Variants in LUZP2 observed in about 807,000 individuals in gnomAD.
The protein encoded by LUZP2 is leucine zipper protein 2.
Under a neutral mutation model 51.6 loss-of-function variants are expected in LUZP2, and 52 were observed. The ratio of observed to expected loss-of-function variants is 1.01; its 90% CI spans 0.81 to 1.27. The LOEUF (loss-of-function observed/expected upper bound fraction) is 1.27. Ranked by LOEUF, LUZP2 falls within the 50% of genes most tolerant of loss-of-function variation. The pLI is 0.00. For synonymous variants in LUZP2, 154 were observed against 137.3 expected (o/e 1.12, Z -0.85); for missense variants, 436 against 395.4 (o/e 1.10, Z -0.87).
chr11:24,677,974 T>G (rs1467685064), intron 1 of LUZP2, among the ~76,000 whole-genome samples: 2 of 147,980 alleles, frequency 1.4e-5, no homozygotes, highest in East Asian at 4.1e-4. Context: ...GAGGTGGAGC[T>G]TGCAGTGAGC....
At chr11:24,520,628 G>A (rs1850611651) in intron 1 of LUZP2, among the ~76,000 whole-genome samples, 1 of 152,206 alleles carries the variant, frequency 6.6e-6, no homozygotes, top group Admixed American at 6.5e-5. Flanking sequence ...TATCCTTTTT[G>A]GGGGCAGGAG....
At chr11:25,062,879 TTTAG>T (rs1357858886) in intron 10 of LUZP2, among the ~76,000 whole-genome samples, 1 of 151,660 alleles carries the variant, frequency 6.6e-6, no homozygotes, top group Non-Finnish European at 1.5e-5. Flanking sequence ...TTTATCATTA[TTTAG>T]TTAATCCGCA....
intron 1 of LUZP2, among the ~76,000 whole-genome samples, chr11:24,604,237 T>C (rs2036753): frequency 0.92 from 139,221 of 151,786 alleles, 64,302 homozygotes; most frequent in Non-Finnish European, 0.97. Context: ...ATTTGATTCA[T>C]ATTTTTATCC....
intron 1 of LUZP2, among the ~76,000 whole-genome samples, chr11:24,680,871 T>TA (rs1490986548): frequency 6.6e-6 from 1 of 152,186 alleles, no homozygotes; most frequent in East Asian, 1.9e-4. Flanking sequence ...TTTCCACTTG[T>TA]AAAAATGCTT....
intron 7 of LUZP2, among the ~76,000 whole-genome samples, chr11:24,954,120 C>A (rs1855153299): frequency 6.6e-6 from 1 of 151,916 alleles, no homozygotes; most frequent in Non-Finnish European, 1.5e-5. Context: ...CCATAACACT[C>A]TGATAACCTT....
chr11:24,626,186 C>T (rs1854675202), intron 1 of LUZP2, among the ~76,000 whole-genome samples: 1 of 152,076 alleles, frequency 6.6e-6, no homozygotes. Flanking sequence ...GCCATCTCAA[C>T]TGTCTTCTTC....
chr11:24,696,622 T>C (rs1306127535), intron 1 of LUZP2, among the ~76,000 whole-genome samples: 1 of 152,002 alleles, frequency 6.6e-6, no homozygotes, highest in African/African-American at 2.4e-5. Context: ...TTGACTCTGG[T>C]AGGGGATTGG....
At chr11:24,751,954 AT>A (rs1368071182) in intron 4 of LUZP2, among the ~76,000 whole-genome samples, 1 of 152,154 alleles carries the variant, frequency 6.6e-6, no homozygotes, top group East Asian at 1.9e-4. Flanking sequence ...ACTGTAGACA[AT>A]AGCCAGTAGT....
At chr11:24,593,685 A>G (rs1307748142) in intron 1 of LUZP2, among the ~76,000 whole-genome samples, 1 of 152,198 alleles carries the variant, frequency 6.6e-6, no homozygotes, top group African/African-American at 2.4e-5. Flanking sequence ...AGTTCCTTAG[A>G]ACAGTACCCG....
chr11:24,780,989 A>G (rs1010455880), intron 5 of LUZP2, among the ~76,000 whole-genome samples: 5 of 152,108 alleles, frequency 3.3e-5, no homozygotes, highest in Non-Finnish European at 7.4e-5. Context: ...TAAAAGTCAT[A>G]TAGTCAATCA....
chr11:24,851,146 T>C (rs1473869512), intron 5 of LUZP2, among the ~76,000 whole-genome samples: 2 of 152,192 alleles, frequency 1.3e-5, no homozygotes, highest in African/African-American at 4.8e-5. Flanking sequence ...CTTCCAATAT[T>C]CTGTTGAATA....
intron 3 of LUZP2, among the ~76,000 whole-genome samples, chr11:24,737,813 G>T (rs140599350): frequency 1.3e-5 from 2 of 152,202 alleles, no homozygotes; most frequent in African/African-American, 4.8e-5. Context: ...AGCATCAGAA[G>T]GGAACAGTAA....
In LUZP2 at chr11:24,774,358, C is replaced by CTATATATA. The variant is rs1431208612; in HGVS notation, c.396+11051_396+11052insATATATAT. ...TCTCTCTCTCTCTCTCTCTCTCTCT[C>CTATATATA]TCTCTATATATATATATATATATAC... is the stretch of plus-strand genomic sequence containing the variant. On this transcript the variant is annotated intron_variant, in intron 5 of 11. Transcript: ENST00000336930. 3.7e-5 allele frequency among the ~76,000 whole-genome samples: 3 copies of CTATATATA among 80,592 alleles called. 1 individual carries two copies. Among genetic ancestry groups the CTATATATA allele is most frequent in the African/African-American group, 1.6e-4 (3 of 18,870 alleles). 52.9% of individuals were successfully genotyped at this position (80,592 alleles called of 152,430 possible). A position where few individuals can be genotyped will look rare whatever the true frequency, so the allele number is the denominator to read the frequency against.
chr11:24,674,547 TC>T (rs1332076181), intron 1 of LUZP2, among the ~76,000 whole-genome samples: 1 of 152,168 alleles, frequency 6.6e-6, no homozygotes, highest in Non-Finnish European at 1.5e-5. Context: ...ATCTTTGTTT[TC>T]CCACTAATTT....
At chr11:24,675,789 A>ATATT (rs61265735) in intron 1 of LUZP2, among the ~76,000 whole-genome samples, 2,533 of 136,750 alleles carry the variant, frequency 0.019, 48 homozygotes, top group African/African-American at 0.048. Context: ...TCTTTTTTTT[A>ATATT]TATTTATTTA....
intron 5 of LUZP2, among the ~76,000 whole-genome samples, chr11:24,803,981 G>A (rs1849774793): frequency 8.0e-6 from 1 of 125,542 alleles, no homozygotes; most frequent in African/African-American, 3.2e-5. Flanking sequence ...GTACAAACAA[G>A]CAAGTGCCAT....
intron 10 of LUZP2, among the ~76,000 whole-genome samples, chr11:25,051,906 A>G: frequency 6.6e-6 from 1 of 152,116 alleles, no homozygotes; most frequent in East Asian, 1.9e-4. Context: ...TCAAATCATA[A>G]ATTGATTTGT....
At chr11:24,944,401 AT>A (rs1320918130) in intron 7 of LUZP2, among the ~76,000 whole-genome samples, 1 of 152,218 alleles carries the variant, frequency 6.6e-6, no homozygotes, top group African/African-American at 2.4e-5. Context: ...TTAAATGAAA[AT>A]TCTAAACATA....
chr11:24,711,398 C>T (rs562178051), intron 1 of LUZP2, among the ~76,000 whole-genome samples: 100 of 151,740 alleles, frequency 6.6e-4, no homozygotes, highest in African/African-American at 2.3e-3. Flanking sequence ...TGCAGTGAGC[C>T]GAGATGGTGT....
Sources: allele counts gnomAD v4.1 joint callset (sites outside exome capture counted in the v4.1 genomes callset), GRCh38; gene constraint gnomAD v4.1.1; transcripts MANE v1.5; gene names NCBI Gene and HGNC (gene_info 2026-07-23, HGNC 2026-07-21).